Variants in CNBD1 observed in about 807,000 individuals in gnomAD.
CNBD1 encodes cyclic nucleotide-binding domain-containing protein 1.
In CNBD1, 71 loss-of-function variants were observed where a neutral mutation model predicts 54.4. That is an observed-to-expected ratio of 1.30 (90% confidence interval 1.08 to 1.59). The LOEUF is 1.59. CNBD1 is among the 40% of genes most tolerant of loss of function. The probability of loss-of-function intolerance (pLI) is 0.00; values close to 1 mark genes in which losing one functional copy is unlikely to be tolerated. For missense variants in CNBD1, 659 were observed against 518.0 expected, an observed-to-expected ratio of 1.27 and a Z score of -2.64; for synonymous variants, 182 against 170.7, an observed-to-expected ratio of 1.07 and a Z score of -0.51.
intron 4 of CNBD1, among the ~76,000 whole-genome samples, chr8:87,031,347 T>G (rs189757474): frequency 6.6e-6 from 1 of 152,060 alleles, no homozygotes. Flanking sequence ...ATTGCTTTCA[T>G]AGTAAGGCAA....
At chr8:86,925,499 G>A (rs1809343490) in intron 3 of CNBD1, among the ~76,000 whole-genome samples, 1 of 129,844 alleles carries the variant, frequency 7.7e-6, no homozygotes, top group African/African-American at 2.6e-5. Flanking sequence ...GTGTGTGTGT[G>A]TGTGTGTGTG....
At chr8:86,877,361 G>A (rs1808536630) in intron 1 of CNBD1, among the ~76,000 whole-genome samples, 1 of 152,062 alleles carries the variant, frequency 6.6e-6, no homozygotes, top group South Asian at 2.1e-4. Flanking sequence ...TTAAGTCTTA[G>A]TTGTATGGGT....
At chr8:87,318,066 A>T (rs1429598205) in intron 8 of CNBD1, among the ~76,000 whole-genome samples, 1 of 151,912 alleles carries the variant, frequency 6.6e-6, no homozygotes, top group African/African-American at 2.4e-5. Context: ...CTCATTTTAT[A>T]TTATGTTTTT....
At chr8:87,074,472 G>T (rs1448042846) in intron 4 of CNBD1, among the ~76,000 whole-genome samples, 1 of 152,186 alleles carries the variant, frequency 6.6e-6, no homozygotes, top group Non-Finnish European at 1.5e-5. Flanking sequence ...TGGGGCTGGA[G>T]TATGTAAAAC....
At chr8:86,972,479 T>G (rs1808246448) in intron 4 of CNBD1, among the ~76,000 whole-genome samples, 1 of 152,184 alleles carries the variant, frequency 6.6e-6, no homozygotes, top group Non-Finnish European at 1.5e-5. Context: ...CATGAATAAT[T>G]TATCTAACCT....
intron 8 of CNBD1, among the ~76,000 whole-genome samples, chr8:87,302,120 C>A (rs1468103466): frequency 1.1e-4 from 16 of 152,128 alleles, no homozygotes; most frequent in Non-Finnish European, 4.4e-5. Context: ...AAGAGGGAAT[C>A]CTCCCTAACT....
At chr8:87,322,250 G>T in intron 8 of CNBD1, among the ~76,000 whole-genome samples, 1 of 123,368 alleles carries the variant, frequency 8.1e-6, no homozygotes. Context: ...TGTGAATAAT[G>T]CCGCAATAAA....
chr8:87,095,872 A>C (rs111902811), intron 4 of CNBD1, among the ~76,000 whole-genome samples: 4 of 152,096 alleles, frequency 2.6e-5, no homozygotes, highest in Non-Finnish European at 5.9e-5. Context: ...GTTAGCCAGG[A>C]TGGTCTCGAT....
intron 4 of CNBD1, among the ~76,000 whole-genome samples, chr8:87,190,457 C>A (rs1388381838): frequency 6.6e-6 from 1 of 152,058 alleles, no homozygotes; most frequent in African/African-American, 2.4e-5. Flanking sequence ...ATAATTTTAC[C>A]ATTCTCTGTG....
intron 3 of CNBD1, among the ~76,000 whole-genome samples, chr8:86,927,794 G>C (rs1050673869): frequency 6.6e-6 from 1 of 152,134 alleles, no homozygotes; most frequent in African/African-American, 2.4e-5. Flanking sequence ...GTAGGAAGGG[G>C]TTTTTCCTCA....
chr8:86,956,012 G>T (rs1190137276), intron 4 of CNBD1, among the ~76,000 whole-genome samples: 1 of 152,074 alleles, frequency 6.6e-6, no homozygotes, highest in Admixed American at 6.6e-5. Flanking sequence ...TTTGTATAAG[G>T]TGTAAGGAAG....
intron 6 of CNBD1, among the ~76,000 whole-genome samples, chr8:87,266,280 C>T (rs1301079665): frequency 6.6e-6 from 1 of 151,278 alleles, no homozygotes; most frequent in Non-Finnish European, 1.5e-5. Flanking sequence ...CTAGATATCC[C>T]TAAAGAAGAT....
At chr8:87,118,284 C>T (rs1448722758) in intron 4 of CNBD1, among the ~76,000 whole-genome samples, 1 of 133,630 alleles carries the variant, frequency 7.5e-6, no homozygotes, top group East Asian at 2.3e-4. Context: ...AACTGCCCTC[C>T]AGCCTGGGCG....
At chr8:87,425,696 G>A (rs1338373731) in intron 2 of CNBD1, among the ~76,000 whole-genome samples, 7 of 151,860 alleles carry the variant, frequency 4.6e-5, no homozygotes, top group Non-Finnish European at 1.0e-4. Context: ...CCAGCTGCGT[G>A]CTGGGAGAAC....
intron 8 of CNBD1, among the ~76,000 whole-genome samples, chr8:87,337,341 C>A (rs1213251063): frequency 1.3e-5 from 2 of 152,108 alleles, no homozygotes; most frequent in Non-Finnish European, 2.9e-5. Flanking sequence ...CTTCTGCTAC[C>A]CCTCCAACTA....
At chr8:87,114,206 T>C (rs949689989) in intron 4 of CNBD1, among the ~76,000 whole-genome samples, 2 of 152,236 alleles carry the variant, frequency 1.3e-5, no homozygotes, top group African/African-American at 4.8e-5. Flanking sequence ...AATAAATATC[T>C]CTATACATTC....
intron 2 of CNBD1, among the ~76,000 whole-genome samples, chr8:87,426,804 T>G (rs1808058664): frequency 6.6e-6 from 1 of 152,308 alleles, no homozygotes; most frequent in East Asian, 1.9e-4. Context: ...CCAAAAAATT[T>G]CATTTGTGTA....
chr8:86,970,263 A>C (rs757361525), intron 4 of CNBD1, among the ~76,000 whole-genome samples: 5 of 151,544 alleles, frequency 3.3e-5, no homozygotes, highest in Non-Finnish European at 7.4e-5. Context: ...ATCTTTCCCT[A>C]CTCCTTCTGG....
At position 87,236,961 on chromosome 8, in the gene CNBD1, C is replaced by T; in HGVS notation, c.620C>T (p.Ala207Val). Residue 207 changes from alanine to valine, a missense_variant, in exon 6 of 11, where the codon GCT becomes GTT. By Grantham distance (64) the Ala-to-Val change is moderately conservative. Transcript: ENST00000518476. The part of the protein sequence containing the change: ...DGFYVILKGL[A>V]RPQTNVYKNL... ...TTTTATGTAATACTGAAAGGCCTAG[C>T]TCGACCTCAAACAAACGTGTATAAA... The T allele has an allele frequency of 6.2e-7, 1 of 1,611,294 alleles. No individual in the cohort carries two copies. Among genetic ancestry groups the T allele is most frequent in the South Asian group, 1.1e-5 (1 of 90,824 alleles).
Sources: allele counts gnomAD v4.1 joint callset (sites outside exome capture counted in the v4.1 genomes callset), GRCh38; gene constraint gnomAD v4.1.1; transcripts MANE v1.5; gene names NCBI Gene and HGNC (gene_info 2026-07-23, HGNC 2026-07-21).